Variants in RUNX2 observed in about 807,000 individuals in gnomAD.
RUNX2 encodes the protein RUNX family transcription factor 2, also known as runt-related transcription factor 2.
Under a neutral mutation model 51.7 loss-of-function variants are expected in RUNX2, and 10 were observed. The ratio of observed to expected loss-of-function variants is 0.19; its 90% CI spans 0.12 to 0.33. The LOEUF is 0.33. Ranked by LOEUF, RUNX2 falls within the 10% of genes least tolerant of loss-of-function variation. The pLI, the probability that RUNX2 is intolerant of heterozygous loss-of-function variation, is 1.00. For synonymous variants in RUNX2, 276 were observed against 273.6 expected (o/e 1.01, Z -0.09); for missense variants, 562 against 691.3 (o/e 0.81, Z 2.10).
rs1316394645 is a variant in RUNX2 at position 45,550,755 on chromosome 6, T to A, written c.*3450T>A. 1.3e-5 allele frequency: 2 copies of A among 152,700 alleles called. No individual in the cohort carries two copies. The highest frequency in any genetic ancestry group is 2.9e-5 in the Non-Finnish European group (2 of 68,048). 9.5% of individuals were successfully genotyped at this position (152,700 alleles called of 1,614,324 possible). Reference sequence around the variant, plus strand: ...ACAATAATTTCTTAGGTATTCTGAATAAAATTCCATTTCTTTTGGATATGC... The same window carrying A: ...ACAATAATTTCTTAGGTATTCTGAAAAAAATTCCATTTCTTTTGGATATGC... On this transcript the variant is annotated 3_prime_UTR_variant, in exon 9 of 9. Transcript: ENST00000647337.
At chr6:45,487,868 A>G (rs141654574) in intron 5 of RUNX2, among the ~76,000 whole-genome samples, 20 of 152,290 alleles carry the variant, frequency 1.3e-4, no homozygotes, top group Admixed American at 2.6e-4. Flanking sequence ...ACACAAGATA[A>G]TTATAGATTG....
At chr6:45,381,575 G>T (rs1423837142) in intron 2 of RUNX2, among the ~76,000 whole-genome samples, 1 of 152,038 alleles carries the variant, frequency 6.6e-6, no homozygotes, top group Non-Finnish European at 1.5e-5. Context: ...CTACAGGCAT[G>T]TGCCACTACA....
At chr6:45,451,750 G>A (rs780654003) in intron 5 of RUNX2, among the ~76,000 whole-genome samples, 6 of 152,172 alleles carry the variant, frequency 3.9e-5, no homozygotes, top group Non-Finnish European at 8.8e-5. Flanking sequence ...AAATAGTACA[G>A]GTTGCTGAAG....
intron 5 of RUNX2, among the ~76,000 whole-genome samples, chr6:45,476,130 A>G (rs781411088): frequency 5.3e-5 from 8 of 152,178 alleles, no homozygotes; most frequent in Non-Finnish European, 1.0e-4. Flanking sequence ...TCCATAACAG[A>G]TGGATTCTGT....
intron 6 of RUNX2, among the ~76,000 whole-genome samples, chr6:45,507,152 G>A (rs1399152126): frequency 6.6e-6 from 1 of 152,024 alleles, no homozygotes; most frequent in Non-Finnish European, 1.5e-5. Context: ...GTTAGGACAT[G>A]GTTCTTCCCT....
At chr6:45,402,340 A>G (rs1310157450) in intron 2 of RUNX2, among the ~76,000 whole-genome samples, 5 of 152,236 alleles carry the variant, frequency 3.3e-5, no homozygotes, top group African/African-American at 4.8e-5. Context: ...TGAAAGATTA[A>G]TTAATATCAG....
At chr6:45,529,309 T>C (rs1303980063) in intron 7 of RUNX2, among the ~76,000 whole-genome samples, 6 of 152,156 alleles carry the variant, frequency 3.9e-5, no homozygotes, top group Non-Finnish European at 8.8e-5. Flanking sequence ...AATCAGGACC[T>C]GGAGAGCACA....
At position 45,550,647 on chromosome 6, in the gene RUNX2, G is replaced by A. The variant is rs1230233571; in HGVS notation, c.*3342G>A. 1 of 152,652 alleles carries A rather than the reference G, an allele frequency of 6.6e-6. No homozygotes were observed. Among genetic ancestry groups the A allele is most frequent in the African/African-American group, 2.4e-5 (1 of 41,454 alleles). The allele number at this position is 152,652 out of a possible 1,614,324, so 9.5% of individuals were successfully genotyped here. A position where few individuals can be genotyped will look rare whatever the true frequency, so the allele number is the denominator to read the frequency against. On this transcript the variant is annotated 3_prime_UTR_variant, in exon 9 of 9. Transcript: ENST00000647337. ...ATATTTTCTATGTGAGAATTTTTTA[G>A]ATGTGTGTTTACTTCATGTTTACAA...
chr6:45,495,737 C>T (rs1403566694), intron 6 of RUNX2, among the ~76,000 whole-genome samples: 1 of 152,180 alleles, frequency 6.6e-6, no homozygotes, highest in African/African-American at 2.4e-5. Flanking sequence ...TTTAAACTCC[C>T]AGAAGAGTGA....
At chr6:45,536,656 T>C (rs879910738) in intron 7 of RUNX2, among the ~76,000 whole-genome samples, 3 of 152,200 alleles carry the variant, frequency 2.0e-5, no homozygotes, top group Non-Finnish European at 2.9e-5. Context: ...CTCTTCCTTT[T>C]CCCCGGCATC....
chr6:45,509,048 A>G (rs1342309358), intron 6 of RUNX2, among the ~76,000 whole-genome samples: 5 of 152,170 alleles, frequency 3.3e-5, no homozygotes, highest in Admixed American at 6.5e-5. Flanking sequence ...TTTAATAATG[A>G]TGATTTTCCA....
chr6:45,518,057 C>T (rs1407637281), intron 7 of RUNX2, among the ~76,000 whole-genome samples: 2 of 152,212 alleles, frequency 1.3e-5, no homozygotes. Context: ...GCAATTAATA[C>T]TAATAAACCA....
chr6:45,328,352 G>A lies in RUNX2; in HGVS notation c.-175G>A, dbSNP rs772269517. The A allele has an allele frequency of 7.2e-7, 1 of 1,380,232 alleles. No individual in the cohort carries two copies. The highest frequency in any genetic ancestry group is 9.7e-7 in the Non-Finnish European group (1 of 1,030,948). The allele number at this position is 1,380,232 out of a possible 1,614,324, so 85.5% of individuals were successfully genotyped here. On this transcript the variant is annotated 5_prime_UTR_variant, in exon 1 of 9. Coordinates refer to ENST00000647337, the MANE Select transcript of RUNX2 (RefSeq NM_001024630.4). ...TTCATTCGCCTCACAAACAACCACA[G>A]AACCACAAGTGCGGTGCAAACTTTC...
intron 7 of RUNX2, among the ~76,000 whole-genome samples, chr6:45,518,880 G>C (rs1009039660): frequency 6.6e-6 from 1 of 152,168 alleles, no homozygotes; most frequent in Non-Finnish European, 1.5e-5. Flanking sequence ...AGATACAGTG[G>C]CTTCTGCAGT....
At chr6:45,491,419 A>T (rs544198432) in intron 5 of RUNX2, among the ~76,000 whole-genome samples, 2 of 152,266 alleles carry the variant, frequency 1.3e-5, no homozygotes, top group East Asian at 3.9e-4. Context: ...TCCAGAAAAG[A>T]GTCTTAGTAA....
intron 5 of RUNX2, among the ~76,000 whole-genome samples, chr6:45,482,072 A>G (rs1800132337): frequency 1.3e-5 from 2 of 152,232 alleles, no homozygotes; most frequent in Admixed American, 6.5e-5. Flanking sequence ...TTAGAGGTGT[A>G]TTAGGACATG....
At chr6:45,370,714 T>A (rs1795920195) in intron 2 of RUNX2, among the ~76,000 whole-genome samples, 1 of 152,132 alleles carries the variant, frequency 6.6e-6, no homozygotes, top group South Asian at 2.1e-4. Flanking sequence ...ACTACCCCCA[T>A]CCTTTCTCTC....
At chr6:45,345,651 T>C (rs1446852093) in intron 2 of RUNX2, among the ~76,000 whole-genome samples, 1 of 152,158 alleles carries the variant, frequency 6.6e-6, no homozygotes, top group East Asian at 1.9e-4. Context: ...TATTCTTCAT[T>C]CCCATTCCCT....
chr6:45,446,542 GA>G (rs1799004652), intron 5 of RUNX2, among the ~76,000 whole-genome samples: 1 of 146,886 alleles, frequency 6.8e-6, no homozygotes, highest in Non-Finnish European at 1.5e-5. Context: ...TCGTTCTCAA[GA>G]AAGATAATTC....
Sources: gnomAD v4.1 joint callset for allele counts (sites outside exome capture counted in the v4.1 genomes callset) on GRCh38, gnomAD v4.1.1 for gene constraint, MANE v1.5 for transcripts, NCBI Gene and HGNC (gene_info 2026-07-23, HGNC 2026-07-21) for gene names.